The following MARK3 variants were observed in gnomAD, a reference collection of about 807,000 sequenced individuals.
The protein encoded by MARK3 is microtubule affinity regulating kinase 3, also known as MAP/microtubule affinity-regulating kinase 3.
A neutral mutation model predicts 90.1 loss-of-function variants in MARK3; 46 were observed. The observed-to-expected ratio is 0.51, with a 90% CI of 0.40 to 0.65. The LOEUF (loss-of-function observed/expected upper bound fraction) is 0.65. Ranked by LOEUF, MARK3 falls within the 30% of genes least tolerant of loss-of-function variation. The pLI is 0.00. For synonymous variants in MARK3, 321 were observed against 332.6 expected (o/e 0.97, Z 0.38); for missense variants, 818 against 947.2 (o/e 0.86, Z 1.79).
Position 103,389,528 on chromosome 14 carries a change from CAAAAAAAA to C in MARK3, c.51+3461_51+3468del, listed in dbSNP as rs67737305. Among the ~76,000 whole-genome samples, 6 of 49,854 alleles carry C rather than the reference CAAAAAAAA, an allele frequency of 1.2e-4. 1 individual carries two copies. Among genetic ancestry groups the C allele is most frequent in the South Asian group, 1.1e-3 (1 of 900 alleles). The allele number at this position is 49,854 out of a possible 152,430, so 32.7% of individuals were successfully genotyped here. On this transcript the variant is annotated intron_variant, in intron 1 of 17. Coordinates refer to ENST00000429436, the MANE Select transcript of MARK3 (RefSeq NM_001128918.3). ...GAGTGACAGAGTAAGACTCTGTCTC[CAAAAAAAA>C]AAAAAAAAAAAAGCAGACAACTTGC...
intron 12 of MARK3, 131 bp downstream of exon 12, chr14:103,468,317 T>A: frequency 2.8e-4 from 22 of 77,788 alleles, no homozygotes; most frequent in Non-Finnish European, 4.8e-4. Flanking sequence ...CTTTCTTCTT[T>A]TTTTTTTTTT....
At chr14:103,495,924 G>T (rs1043562179) in intron 15 of MARK3, among the ~76,000 whole-genome samples, 9 of 152,254 alleles carry the variant, frequency 5.9e-5, no homozygotes, top group Admixed American at 5.9e-4. Flanking sequence ...CTTAGATGCT[G>T]CAAGGGAGAC....
In MARK3 at chr14:103,434,300, A is replaced by G. The variant is rs531876996; in HGVS notation, c.297+5860A>G. Among the ~76,000 whole-genome samples the G allele has an allele frequency of 2.6e-5, 4 of 152,274 alleles. No individual in the cohort carries two copies. In the East Asian group the frequency reaches 7.7e-4, roughly 29 times the overall value. ...TCTACCATACCCAAATCGCAACGAG[A>G]AGTGTCATGAACTGCACAGATTCCT... On this transcript the variant is annotated intron_variant, in intron 3 of 17. Coordinates refer to ENST00000429436, the MANE Select transcript of MARK3 (RefSeq NM_001128918.3).
intron 11 of MARK3, 109 bp from the exon 12 acceptor site, chr14:103,467,924 C>T: frequency 9.2e-7 from 1 of 1,090,688 alleles, no homozygotes; most frequent in Non-Finnish European, 1.3e-6. Flanking sequence ...TTCCTCCTCT[C>T]TCTGAATGAA....
At chr14:103,500,633 C>CT (rs397702067) in intron 17 of MARK3, among the ~76,000 whole-genome samples, 2,109 of 146,712 alleles carry the variant, frequency 0.014, 45 homozygotes, top group African/African-American at 0.047. Context: ...TTTTGCTTTT[C>CT]TTTTTTTTTT....
At chr14:103,427,497 C>CAAAAAAAAAAAAAAAAAAAAAAAAAAAA (rs71126021) in intron 2 of MARK3, among the ~76,000 whole-genome samples, 4 of 110,816 alleles carry the variant, frequency 3.6e-5, no homozygotes, top group Admixed American at 1.1e-4. Flanking sequence ...GAGACTGTTT[C>CAAAAAAAAAAAAAAAAAAAAAAAAAAAA]AAAAAAAAAA....
chr14:103,498,015 G>A (rs977333621), intron 15 of MARK3, among the ~76,000 whole-genome samples: 9 of 152,104 alleles, frequency 5.9e-5, no homozygotes, highest in Non-Finnish European at 1.2e-4. Context: ...CCAGGAGTTC[G>A]AGACTAGACT....
At chr14:103,482,209 G>A (rs2093838008) in intron 14 of MARK3, among the ~76,000 whole-genome samples, 1 of 152,020 alleles carries the variant, frequency 6.6e-6, no homozygotes, top group South Asian at 2.1e-4. Flanking sequence ...GTTACAGATT[G>A]TAGTCTACAG....
intron 1 of MARK3, among the ~76,000 whole-genome samples, chr14:103,389,547 A>AAAAAAAAAAAAAAC (rs1566749901): frequency 6.9e-6 from 1 of 144,442 alleles, no homozygotes; most frequent in African/African-American, 2.6e-5. Flanking sequence ...AAAAAAAAAA[A>AAAAAAAAAAAAAAC]AGCAGACAAC....
chr14:103,459,691 T>G (rs1329772012), intron 6 of MARK3, among the ~76,000 whole-genome samples: 12 of 151,618 alleles, frequency 7.9e-5, no homozygotes, highest in Non-Finnish European at 1.3e-4. Flanking sequence ...TTTTGTAATT[T>G]TAGTAGAGAC....
intron 2 of MARK3, among the ~76,000 whole-genome samples, chr14:103,420,382 A>C (rs913266759): frequency 1.4e-5 from 2 of 143,640 alleles, no homozygotes; most frequent in Admixed American, 6.9e-5. Context: ...GGTGTGTACT[A>C]CCACATCCGG....
chr14:103,493,238 T>TA (rs2075107183), intron 15 of MARK3, among the ~76,000 whole-genome samples: 1 of 73,994 alleles, frequency 1.4e-5, no homozygotes, highest in Admixed American at 1.9e-4. Context: ...TAGGGAGTAT[T>TA]CCTTTTTTTT....
chr14:103,444,729 A>G (rs1183480430), intron 3 of MARK3, among the ~76,000 whole-genome samples: 1 of 152,178 alleles, frequency 6.6e-6, no homozygotes, highest in Non-Finnish European at 1.5e-5. Flanking sequence ...GTGAGCCAAG[A>G]TGGCGCCACT....
intron 1 of MARK3, among the ~76,000 whole-genome samples, chr14:103,392,920 C>T (rs1048351045): frequency 3.9e-5 from 6 of 151,976 alleles, no homozygotes; most frequent in African/African-American, 1.5e-4. Context: ...AGCGATTCTC[C>T]TGCCTCAGCC....
At chr14:103,398,838 T>A (rs2090756361) in intron 1 of MARK3, among the ~76,000 whole-genome samples, 2 of 152,144 alleles carry the variant, frequency 1.3e-5, no homozygotes, top group Admixed American at 6.5e-5. Context: ...GGCTTTGTAG[T>A]TTGTTTTTGT....
intron 2 of MARK3, among the ~76,000 whole-genome samples, chr14:103,410,373 G>A (rs1246600563): frequency 1.3e-5 from 2 of 152,154 alleles, no homozygotes; most frequent in Non-Finnish European, 2.9e-5. Flanking sequence ...TAGTACTGCT[G>A]CAACAGCAAT....
intron 3 of MARK3, among the ~76,000 whole-genome samples, chr14:103,448,352 A>T (rs1260575702): frequency 6.6e-6 from 1 of 152,142 alleles, no homozygotes; most frequent in African/African-American, 2.4e-5. Context: ...GGCACTCCAC[A>T]AAAGCGTGAA....
chr14:103,448,837 A>C, intron 3 of MARK3, 82 bp from the exon 4 acceptor site: 1 of 1,359,816 alleles, frequency 7.4e-7, no homozygotes, highest in Non-Finnish European at 1.0e-6. Flanking sequence ...AGAAAAATTT[A>C]AATTTATATT....
chr14:103,416,980 T>A (rs1215950081), intron 2 of MARK3, among the ~76,000 whole-genome samples: 1 of 152,112 alleles, frequency 6.6e-6, no homozygotes, highest in African/African-American at 2.4e-5. Context: ...AATTGCCAGA[T>A]AAGCAGGAGA....
Sources: allele counts gnomAD v4.1 joint callset (sites outside exome capture counted in the v4.1 genomes callset), GRCh38; gene constraint gnomAD v4.1.1; transcripts MANE v1.5; gene names NCBI Gene and HGNC (gene_info 2026-07-23, HGNC 2026-07-21).